Variants in BRME1 observed in about 807,000 individuals in gnomAD.
BRME1 encodes BRCA2 and MEILB2-associating protein 1.
BRME1 carries 31 observed loss-of-function variants against 52.6 expected under a neutral mutation model. That is an observed-to-expected ratio of 0.59 (90% CI 0.44 to 0.80). The LOEUF (loss-of-function observed/expected upper bound fraction) is 0.80, where lower values mean the gene tolerates loss of function less well. Ranked by LOEUF, BRME1 falls within the 30% of genes least tolerant of loss-of-function variation. The pLI, the probability that BRME1 is intolerant of heterozygous loss-of-function variation, is 0.00. For synonymous variants in BRME1, 359 were observed against 353.6 expected (o/e 1.02, Z -0.17); for missense variants, 804 against 860.3 (o/e 0.93, Z 0.82).
chr19:13,889,828 C>T lies in BRME1; in HGVS notation c.1028G>A (p.Ser343Asn). 2 of 1,613,206 alleles carry T rather than the reference C, an allele frequency of 1.2e-6. No individual in the cohort carries two copies. Among genetic ancestry groups the T allele is most frequent in the East Asian group, 2.2e-5 (1 of 44,888 alleles). ...SLGMVVIADL[S>N]TDPTELEERA... ...CTCTTCCAGCTCAGTGGGGTCTGTG[C>T]TCAGGTCTGCGATGACAACCATCCC... Residue 343 changes from serine to asparagine, a missense_variant, in exon 6 of 9, where the codon AGC becomes AAC. Physicochemically the swap from Ser to Asn is conservative, Grantham distance 46. Coordinates refer to ENST00000586783, the MANE Select transcript of BRME1 (RefSeq NM_001345843.2).
Position 13,892,915 on chromosome 19 carries a change from G to C in BRME1, c.289-25C>G, listed in dbSNP as rs759506851. ...TCTGTAAACCGGATACAAGAACAAA[G>C]CAGCAATAAAGATAAGAGAGGAATG... On this transcript the variant is annotated intron_variant, in intron 4 of 8. Coordinates refer to ENST00000586783, the MANE Select transcript of BRME1 (RefSeq NM_001345843.2). 4 of 1,596,006 alleles carry C rather than the reference G, an allele frequency of 2.5e-6. No homozygotes were observed. In the Admixed American group the frequency reaches 5.0e-5, roughly 20 times the overall value.
chr19:13,904,938 C>G, intron 1 of BRME1, 25 bp from the exon 2 acceptor site: 3 of 1,567,270 alleles, frequency 1.9e-6, no homozygotes, highest in Non-Finnish European at 2.6e-6. Context: ...AATCTCTCAT[C>G]ATTATAAGCA....
chr19:13,902,040 C>G (rs1970330376), intron 2 of BRME1, among the ~76,000 whole-genome samples: 1 of 147,684 alleles, frequency 6.8e-6, no homozygotes, highest in Admixed American at 6.8e-5. Flanking sequence ...GACTCTGTCT[C>G]GAAAAAAAGA....
At chr19:13,896,976 G>C in intron 2 of BRME1, among the ~76,000 whole-genome samples, 1 of 148,000 alleles carries the variant, frequency 6.8e-6, no homozygotes. Context: ...GGAATTACAG[G>C]CATGAACCAC....
At chr19:13,901,499 G>C (rs1044258829) in intron 2 of BRME1, among the ~76,000 whole-genome samples, 1 of 151,786 alleles carries the variant, frequency 6.6e-6, no homozygotes, top group African/African-American at 2.4e-5. Context: ...AGGAGTTAGA[G>C]AGCAGCCTAG....
At chr19:13,893,374 C>A in intron 3 of BRME1, 151 bp from the exon 4 acceptor site, 1 of 660,588 alleles carries the variant, frequency 1.5e-6, no homozygotes. Flanking sequence ...CGTATCTCTA[C>A]TAAAAATACA....
chr19:13,896,453 GTAT>G (rs979839407), intron 2 of BRME1, among the ~76,000 whole-genome samples: 5 of 142,804 alleles, frequency 3.5e-5, no homozygotes, highest in Non-Finnish European at 6.1e-5. Context: ...TTATATCCTT[GTAT>G]TATATTATAT....
Position 13,895,470 on chromosome 19 carries a change from C to T in BRME1, c.108G>A (p.Met36Ile). 6.2e-7 allele frequency: 1 copy of T among 1,614,120 alleles called. No homozygotes were observed. Among genetic ancestry groups the T allele is most frequent in the Non-Finnish European group, 8.5e-7 (1 of 1,180,016 alleles). ...GDFYGDPQSS[M>I]LGCLHHPEEP... ...CCTCAGGGTGATGTAAACAGCCCAA[C>T]ATGGAACTCTGGGGGTCCCCATAGA... The change falls in exon 3 of 9, where the codon ATG becomes ATA. Residue 36 changes from methionine (M) to isoleucine (I), a missense_variant. Met to Ile is a conservative substitution (Grantham distance 10, BLOSUM62 1). This residue lies in a region of BRME1 where 234 missense variants were observed against 258.1 expected (regional missense o/e 0.91). Coordinates refer to ENST00000586783, the MANE Select transcript of BRME1 (RefSeq NM_001345843.2).
At chr19:13,896,570 C>G (rs1434419405) in intron 2 of BRME1, among the ~76,000 whole-genome samples, 1 of 146,926 alleles carries the variant, frequency 6.8e-6, no homozygotes, top group African/African-American at 2.5e-5. Context: ...CACGCCACCT[C>G]AGGATTCAGC....
At chr19:13,886,100 G>A in intron 6 of BRME1, 45 bp from the exon 7 acceptor site, 1 of 1,538,402 alleles carries the variant, frequency 6.5e-7, no homozygotes, top group Non-Finnish European at 9.0e-7. Flanking sequence ...CCTGGGTCGG[G>A]CAAGCTCTGC....
intron 2 of BRME1, among the ~76,000 whole-genome samples, chr19:13,896,939 C>G (rs773531252): frequency 1.7e-4 from 26 of 152,140 alleles, no homozygotes; most frequent in South Asian, 8.3e-4. Flanking sequence ...CTCAAGTGAT[C>G]CTCTTGTCTC....
chr19:13,903,908 C>G (rs1186508372), intron 2 of BRME1, among the ~76,000 whole-genome samples: 3 of 152,020 alleles, frequency 2.0e-5, no homozygotes, highest in Non-Finnish European at 4.4e-5. Flanking sequence ...AGCCACATAC[C>G]GAGTGGCCTT....
chr19:13,897,235 C>G (rs1969971241), intron 2 of BRME1, among the ~76,000 whole-genome samples: 1 of 151,226 alleles, frequency 6.6e-6, no homozygotes, highest in South Asian at 2.1e-4. Context: ...GACAGGGTTT[C>G]ACCATGTTGG....
chr19:13,895,148 G>C (rs919443702), intron 3 of BRME1, among the ~76,000 whole-genome samples: 8 of 152,066 alleles, frequency 5.3e-5, no homozygotes, highest in African/African-American at 1.9e-4. Flanking sequence ...CAAAGTGTTG[G>C]GATTACAGGC....
At chr19:13,889,095 C>A in intron 6 of BRME1, 93 bp downstream of exon 6, 2 of 1,215,728 alleles carry the variant, frequency 1.6e-6, no homozygotes, top group South Asian at 3.1e-5. Context: ...AGCCCCAGCT[C>A]CCCCTCTGCC....
intron 2 of BRME1, 21 bp downstream of exon 2, chr19:13,904,841 T>C (rs199829950): frequency 1.2e-6 from 2 of 1,611,960 alleles, no homozygotes; most frequent in South Asian, 1.1e-5. Flanking sequence ...AATCAACAAG[T>C]GTCCATTTGA....
chr19:13,904,957 C>CAGAG, intron 1 of BRME1, 44 bp from the exon 2 acceptor site: 1 of 1,496,946 alleles, frequency 6.7e-7, no homozygotes, highest in Non-Finnish European at 9.3e-7. Flanking sequence ...CAGTCTCTGT[C>CAGAG]TCTGTTTATA....
intron 6 of BRME1, among the ~76,000 whole-genome samples, chr19:13,886,357 A>G (rs1969019652): frequency 6.6e-6 from 1 of 152,206 alleles, no homozygotes; most frequent in African/African-American, 2.4e-5. Flanking sequence ...CAGTGGGGGC[A>G]CCACTGTGCC....
intron 2 of BRME1, among the ~76,000 whole-genome samples, chr19:13,899,333 T>C (rs1362650510): frequency 6.6e-6 from 1 of 151,906 alleles, no homozygotes; most frequent in Non-Finnish European, 1.5e-5. Flanking sequence ...GTATTTTCAG[T>C]AGAGACGGGT....
Sources: gnomAD v4.1 joint callset for allele counts (sites outside exome capture counted in the v4.1 genomes callset) on GRCh38, gnomAD v4.1.1 for gene constraint, gnomAD v4.1.1 regional missense constraint, MANE v1.5 for transcripts, NCBI Gene and HGNC (gene_info 2026-07-23, HGNC 2026-07-21) for gene names.